The following SEL1L3 variants were observed in gnomAD, a reference collection of about 807,000 sequenced individuals.
The protein encoded by SEL1L3 is SEL1L family member 3, also known as protein sel-1 homolog 3.
In SEL1L3, 76 loss-of-function variants were observed where a neutral mutation model predicts 142.8. The observed-to-expected ratio is 0.53, with a 90% confidence interval of 0.44 to 0.64. The LOEUF (loss-of-function observed/expected upper bound fraction) is 0.64. Among genes scored for constraint, SEL1L3 ranks in the 30% least tolerant of loss-of-function variants. The pLI, the probability that SEL1L3 is intolerant of heterozygous loss-of-function variation, is 0.00. For missense variants in SEL1L3, 1,262 were observed against 1,381.7 expected, an observed-to-expected ratio of 0.91 and a Z score of 1.37; for synonymous variants, 504 against 519.6, an observed-to-expected ratio of 0.97 and a Z score of 0.41.
intron 1 of SEL1L3, chr4:25,860,712 GA>G (rs1560367495): frequency 6.6e-6 from 1 of 152,258 alleles, no homozygotes; most frequent in East Asian, 1.9e-4. Flanking sequence ...ACAAAGGCAG[GA>G]AGCACTGACA....
chr4:25,724,083 TTC>T, the SEL1L3 span, among the ~76,000 whole-genome samples: 1 of 152,310 alleles, frequency 6.6e-6, no homozygotes, highest in Non-Finnish European at 1.5e-5. Flanking sequence ...AGTGAAACAG[TTC>T]TTTCAATTTT....
rs10027345 is a variant in SEL1L3, at chr4:25,838,369, A to T, written c.734-3046T>A. Among the ~76,000 whole-genome samples the T allele has an allele frequency of 5.0e-3, 769 of 152,330 alleles. 8 individuals are homozygous for T. The highest frequency in any genetic ancestry group is 0.018 in the African/African-American group (743 of 41,574). ...TATTATTTCCTCAAATTTTAGAGCA[A>T]GAAGAGGCAACAGATATTATATGGT... On this transcript the variant is annotated intron_variant, in intron 2 of 23. Transcript: ENST00000399878.
chr4:25,840,021 T>A (rs1716070727), intron 2 of SEL1L3, among the ~76,000 whole-genome samples: 1 of 152,224 alleles, frequency 6.6e-6, no homozygotes, highest in South Asian at 2.1e-4. Context: ...GGGTTAGGAC[T>A]GTATTAGCAT....
intron 19 of SEL1L3, among the ~76,000 whole-genome samples, chr4:25,765,890 C>T (rs1446707977): frequency 6.6e-6 from 1 of 152,118 alleles, no homozygotes; most frequent in Non-Finnish European, 1.5e-5. Context: ...CCTCCCACCT[C>T]AGCCTCCCAA....
the SEL1L3 span, among the ~76,000 whole-genome samples, chr4:25,742,021 AG>A: frequency 6.6e-6 from 1 of 150,442 alleles, no homozygotes; most frequent in African/African-American, 2.4e-5. Context: ...CATGTTGGCC[AG>A]GCTGGTCTCG....
chr4:25,783,800 A>C (rs150834103), intron 14 of SEL1L3, among the ~76,000 whole-genome samples: 2 of 152,352 alleles, frequency 1.3e-5, no homozygotes, highest in Admixed American at 1.3e-4. Context: ...CCCTGTTATC[A>C]ATGCACAGGA....
chr4:25,750,845 A>G (rs1189814647), intron 23 of SEL1L3, among the ~76,000 whole-genome samples: 1 of 152,254 alleles, frequency 6.6e-6, no homozygotes, highest in Non-Finnish European at 1.5e-5. Context: ...AAAGAACATT[A>G]GGCTAACCAC....
At chr4:25,770,754 A>G (rs112721424) in intron 17 of SEL1L3, among the ~76,000 whole-genome samples, 76 of 150,736 alleles carry the variant, frequency 5.0e-4, no homozygotes, top group Middle Eastern at 3.4e-3. Flanking sequence ...AAAAAAAAAA[A>G]AAAAGAAAAG....
Position 25,862,748 on chromosome 4 carries a change from A to G in SEL1L3, c.89T>C (p.Met30Thr). Reference sequence around the variant, plus strand: ...CTGGGGGACGCCGCCACTCGGGACCATGGCTGCGGCCCGGGGGCCGACCGC... The same window carrying G: ...CTGGGGGACGCCGCCACTCGGGACCGTGGCTGCGGCCCGGGGGCCGACCGC... The part of the protein sequence containing the change: ...PLAVGPRAAA[M>T]VPSGGVPQGL... The change falls in exon 1 of 24, where the codon ATG becomes ACG. Residue 30 changes from methionine to threonine, a missense_variant. By Grantham distance (81) the Met-to-Thr change is moderately conservative. Around this residue, in one of 3 missense-constraint regions of SEL1L3, gnomAD observed 689 missense variants for 692.8 expected, o/e 0.99. Coordinates refer to ENST00000399878, the MANE Select transcript of SEL1L3 (RefSeq NM_015187.5). The G allele has an allele frequency of 1.6e-6, 2 of 1,235,534 alleles. No homozygotes were observed. The highest frequency in any genetic ancestry group is 2.0e-6 in the Non-Finnish European group (2 of 990,116). 76.5% of individuals were successfully genotyped at this position (1,235,534 alleles called of 1,614,324 possible).
At chr4:25,729,551 TAAAAATAC>T in the SEL1L3 span, among the ~76,000 whole-genome samples, 1 of 152,030 alleles carries the variant, frequency 6.6e-6, no homozygotes, top group Non-Finnish European at 1.5e-5. Context: ...CCTTCTCTAC[TAAAAATAC>T]AAAAATTAGC....
At chr4:25,771,437 T>C (rs1312102522) in intron 17 of SEL1L3, among the ~76,000 whole-genome samples, 2 of 152,252 alleles carry the variant, frequency 1.3e-5, no homozygotes, top group South Asian at 2.1e-4. Flanking sequence ...ATGATACATC[T>C]TAATAATCAA....
downstream of SEL1L3, among the ~76,000 whole-genome samples, chr4:25,746,049 A>G (rs1420787600): frequency 6.6e-6 from 1 of 152,184 alleles, no homozygotes; most frequent in African/African-American, 2.4e-5. Flanking sequence ...CAGTGTTGAA[A>G]TGTAATCCCC....
Position 25,835,291 on chromosome 4 carries a change from A to T in SEL1L3, c.766T>A (p.Ser256Thr). Reference sequence around the variant, plus strand: ...ACAATGCCTGTGTTTTCTCCACTGGAGGCATAAGGAAAGCCAAGCAGGGCA... The same window carrying T: ...ACAATGCCTGTGTTTTCTCCACTGGTGGCATAAGGAAAGCCAAGCAGGGCA... Reference protein sequence around the residue: ...VVALLGFPYASSGENTGIVKK... With the variant: ...VVALLGFPYATSGENTGIVKK... The change falls in exon 3 of 24, where the codon TCC becomes ACC. Residue 256 changes from serine to threonine, a missense_variant. Transcript: ENST00000399878. 3 of 1,613,994 alleles carry T rather than the reference A, an allele frequency of 1.9e-6. No homozygotes were observed.
chr4:25,742,486 TG>T (rs200753073), downstream of SEL1L3, among the ~76,000 whole-genome samples: 467 of 152,154 alleles, frequency 3.1e-3, 7 homozygotes, highest in African/African-American at 0.01. Context: ...CTAGTAGAGA[TG>T]GGGTTTCACC....
chr4:25,818,862 A>G (rs766347545), intron 8 of SEL1L3, among the ~76,000 whole-genome samples: 4 of 152,222 alleles, frequency 2.6e-5, no homozygotes, highest in Non-Finnish European at 5.9e-5. Context: ...ATTGAATTGC[A>G]GAAGCACTAT....
intron 9 of SEL1L3, among the ~76,000 whole-genome samples, chr4:25,814,661 C>T (rs1429049741): frequency 2.7e-5 from 4 of 149,322 alleles, no homozygotes; most frequent in African/African-American, 7.7e-5. Flanking sequence ...GAACTTGGAA[C>T]GAAGGGTATT....
At chr4:25,800,807 C>T (rs1273498659) in intron 11 of SEL1L3, among the ~76,000 whole-genome samples, 2 of 152,256 alleles carry the variant, frequency 1.3e-5, no homozygotes, top group South Asian at 4.1e-4. Flanking sequence ...ATTAGAATGC[C>T]TACATAGACA....
chr4:25,839,720 G>C (rs905193020), intron 2 of SEL1L3, among the ~76,000 whole-genome samples: 2 of 152,210 alleles, frequency 1.3e-5, no homozygotes, highest in East Asian at 1.9e-4. Flanking sequence ...AGGGGGAGGG[G>C]TGTGGAAACT....
At position 25,817,388 on chromosome 4, in the gene SEL1L3, T is replaced by C. The variant is rs181086006; in HGVS notation, c.1564+750A>G. Among the ~76,000 whole-genome samples the C allele has an allele frequency of 4.6e-5, 7 of 152,258 alleles. No homozygotes were observed. In the East Asian group the frequency reaches 1.4e-3, roughly 29 times the overall value. On this transcript the variant is annotated intron_variant, in intron 9 of 23. Coordinates refer to ENST00000399878, the MANE Select transcript of SEL1L3 (RefSeq NM_015187.5). ...AGGATCCTCTTCACCAGACCGAACA[T>C]CTCCAGCTGCCTTTCCTCTTCCTAA...
Sources: allele counts gnomAD v4.1 joint callset (sites outside exome capture counted in the v4.1 genomes callset), GRCh38; gene constraint gnomAD v4.1.1; regional missense constraint gnomAD v4.1.1; transcripts MANE v1.5; gene names NCBI Gene and HGNC (gene_info 2026-07-23, HGNC 2026-07-21).